Variants in GNAQ observed in about 807,000 individuals in gnomAD.
GNAQ encodes the protein G protein subunit alpha q.
In GNAQ, 8 loss-of-function variants were observed where a neutral mutation model predicts 43.9. The ratio of observed to expected loss-of-function variants is 0.18; its 90% CI spans 0.11 to 0.33. The LOEUF (loss-of-function observed/expected upper bound fraction) is 0.33, where lower values mean the gene tolerates loss of function less well. Ranked by LOEUF, GNAQ falls within the 10% of genes least tolerant of loss-of-function variation. The pLI, the probability that GNAQ is intolerant of heterozygous loss-of-function variation, is 1.00. For synonymous variants in GNAQ, 155 were observed against 170.7 expected (o/e 0.91, Z 0.71); for missense variants, 158 against 450.8 (o/e 0.35, Z 5.88).
At chr9:78,009,309 G>GCCACCA (rs146670150) in intron 1 of GNAQ, among the ~76,000 whole-genome samples, 3 of 151,926 alleles carry the variant, frequency 2.0e-5, no homozygotes, top group South Asian at 2.1e-4. Context: ...CCCGCCACCT[G>GCCACCA]CCACCACCAC....
chr9:78,027,390 A>G (rs1823995274), intron 1 of GNAQ, among the ~76,000 whole-genome samples: 1 of 152,212 alleles, frequency 6.6e-6, no homozygotes, highest in Admixed American at 6.5e-5. Context: ...CGAGTTAGAT[A>G]CTGTGCTTGA....
At chr9:77,893,379 T>C (rs550053476) in intron 2 of GNAQ, among the ~76,000 whole-genome samples, 5 of 152,316 alleles carry the variant, frequency 3.3e-5, no homozygotes, top group African/African-American at 1.2e-4. Flanking sequence ...ACAGATGCCA[T>C]GGCAATGTTC....
At chr9:77,776,235 C>CT (rs1826304695) in intron 5 of GNAQ, among the ~76,000 whole-genome samples, 3 of 152,176 alleles carry the variant, frequency 2.0e-5, no homozygotes, top group African/African-American at 7.2e-5. Flanking sequence ...GCTGTGAAAA[C>CT]CAAAAGTAAC....
intron 5 of GNAQ, among the ~76,000 whole-genome samples, chr9:77,791,094 A>G (rs1826564185): frequency 6.6e-6 from 1 of 152,224 alleles, no homozygotes; most frequent in Non-Finnish European, 1.5e-5. Flanking sequence ...TAATAAAATG[A>G]TAACATAATT....
chr9:77,913,189 C>T (rs1471091535), intron 2 of GNAQ, among the ~76,000 whole-genome samples: 1 of 151,976 alleles, frequency 6.6e-6, no homozygotes, highest in Non-Finnish European at 1.5e-5. Flanking sequence ...TAGATACATA[C>T]TCCAAAGAAA....
intron 1 of GNAQ, among the ~76,000 whole-genome samples, chr9:77,990,900 G>A (rs1040065646): frequency 6.6e-6 from 1 of 152,138 alleles, no homozygotes; most frequent in African/African-American, 2.4e-5. Context: ...CTTTCCTTGT[G>A]TAACTCTGTG....
chr9:77,918,381 T>C (rs1587409012), intron 2 of GNAQ, among the ~76,000 whole-genome samples: 1 of 152,230 alleles, frequency 6.6e-6, no homozygotes, highest in South Asian at 2.1e-4. Context: ...ATTTATTTTA[T>C]ATCTTTAGTG....
At chr9:77,753,813 G>A (rs191567242) in intron 5 of GNAQ, among the ~76,000 whole-genome samples, 9 of 147,546 alleles carry the variant, frequency 6.1e-5, no homozygotes, top group South Asian at 2.2e-4. Flanking sequence ...CTGTATAGTC[G>A]CCCTTGAAAA....
intron 5 of GNAQ, among the ~76,000 whole-genome samples, chr9:77,730,099 A>T (rs1825465056): frequency 6.6e-6 from 1 of 152,226 alleles, no homozygotes; most frequent in Non-Finnish European, 1.5e-5. Flanking sequence ...CTCTTGCTCC[A>T]ACCAGGGCTA....
At chr9:77,973,084 T>C (rs1381110149) in intron 1 of GNAQ, among the ~76,000 whole-genome samples, 1 of 151,538 alleles carries the variant, frequency 6.6e-6, no homozygotes, top group African/African-American at 2.4e-5. Flanking sequence ...AATCAATCTA[T>C]ATGTTTAGTG....
At chr9:77,969,132 C>T (rs964330376) in intron 1 of GNAQ, among the ~76,000 whole-genome samples, 11 of 152,188 alleles carry the variant, frequency 7.2e-5, no homozygotes, top group African/African-American at 2.4e-4. Context: ...ATTGCTAATC[C>T]AGGGAGATAC....
chr9:77,834,762 G>A (rs912222170), intron 2 of GNAQ, among the ~76,000 whole-genome samples: 6 of 152,122 alleles, frequency 3.9e-5, no homozygotes, highest in African/African-American at 1.4e-4. Flanking sequence ...TTCTTCCTGT[G>A]TACATGGCAG....
intron 5 of GNAQ, among the ~76,000 whole-genome samples, chr9:77,751,089 A>G (rs900648842): frequency 5.3e-5 from 8 of 152,166 alleles, no homozygotes; most frequent in African/African-American, 1.9e-4. Context: ...AATAGCATCC[A>G]TCATGTTAAG....
chr9:77,783,003 A>C (rs1005163184), intron 5 of GNAQ, among the ~76,000 whole-genome samples: 3 of 152,208 alleles, frequency 2.0e-5, no homozygotes, highest in Non-Finnish European at 4.4e-5. Flanking sequence ...GGGAGAAATA[A>C]ATAGGCAGAG....
At chr9:77,979,224 C>T (rs764661568) in intron 1 of GNAQ, among the ~76,000 whole-genome samples, 29 of 151,888 alleles carry the variant, frequency 1.9e-4, no homozygotes, top group Admixed American at 6.6e-4. Flanking sequence ...GGTACGGTGG[C>T]GGATGCCTAT....
chr9:77,980,936 C>T (rs888143347), intron 1 of GNAQ, among the ~76,000 whole-genome samples: 5 of 152,198 alleles, frequency 3.3e-5, no homozygotes, highest in Non-Finnish European at 5.9e-5. Context: ...GCTCTTCCTT[C>T]ATTGCTTTCA....
rs565042303 is a variant in GNAQ at position 77,763,459 on chromosome 9, C to T, written c.735+31004G>A. ...GGGCAACATGGCAAGACCCCCATCT[C>T]CACAAAAATAATTAATACTGTATGT... On this transcript the variant is annotated intron_variant, in intron 5 of 6. Coordinates refer to ENST00000286548, the MANE Select transcript of GNAQ (RefSeq NM_002072.5). 6.7e-4 allele frequency among the ~76,000 whole-genome samples: 102 copies of T among 152,240 alleles called. No homozygotes were observed. The South Asian group carries it at 0.02, about 29-fold the overall frequency.
chr9:77,948,426 A>C (rs1822931681), intron 1 of GNAQ, among the ~76,000 whole-genome samples: 1 of 152,138 alleles, frequency 6.6e-6, no homozygotes, highest in Admixed American at 6.5e-5. Flanking sequence ...CCAGCAAAGA[A>C]AGGGAGACTG....
intron 1 of GNAQ, among the ~76,000 whole-genome samples, chr9:78,009,659 C>T (rs1823750050): frequency 6.6e-6 from 1 of 152,140 alleles, no homozygotes; most frequent in Non-Finnish European, 1.5e-5. Context: ...GATCTAACTA[C>T]AAATCTTATT....
Sources: allele counts gnomAD v4.1 joint callset (sites outside exome capture counted in the v4.1 genomes callset), GRCh38; gene constraint gnomAD v4.1.1; transcripts MANE v1.5; gene names NCBI Gene and HGNC (gene_info 2026-07-23, HGNC 2026-07-21).